ADORA2B: variants seen among roughly 807,000 people sequenced by gnomAD.
ADORA2B encodes adenosine receptor A2b.
In ADORA2B, 18 loss-of-function variants were observed where a neutral mutation model predicts 20.8. The ratio of observed to expected loss-of-function variants is 0.87; its 90% confidence interval spans 0.60 to 1.29. ADORA2B has a LOEUF of 1.29. Among genes scored for constraint, ADORA2B ranks in the 50% most tolerant of loss-of-function variants. The pLI, the probability that ADORA2B is intolerant of heterozygous loss-of-function variation, is 0.00. For missense variants in ADORA2B, 441 were observed against 422.7 expected, an observed-to-expected ratio of 1.04 and a Z score of -0.38; for synonymous variants, 179 against 178.3, an observed-to-expected ratio of 1.00 and a Z score of -0.03.
intron 1 of ADORA2B, among the ~76,000 whole-genome samples, chr17:15,951,548 G>A (rs992557544): frequency 1.3e-5 from 2 of 152,248 alleles, no homozygotes; most frequent in African/African-American, 4.8e-5. Flanking sequence ...TAATCCTGCT[G>A]GGGCCTCCAG....
At chr17:15,899,165 G>A in the ADORA2B span, among the ~76,000 whole-genome samples, 5 of 152,028 alleles carry the variant, frequency 3.3e-5, no homozygotes, top group Non-Finnish European at 7.4e-5. Flanking sequence ...GGGAGGCGGA[G>A]GTTGCAGTGT....
At chr17:15,900,095 G>T in the ADORA2B span, among the ~76,000 whole-genome samples, 2 of 152,136 alleles carry the variant, frequency 1.3e-5, no homozygotes, top group African/African-American at 4.8e-5. Flanking sequence ...CTCCCAAAGT[G>T]CTGGGACTAC....
chr17:15,915,405 C>T, the ADORA2B span, among the ~76,000 whole-genome samples: 1 of 152,236 alleles, frequency 6.6e-6, no homozygotes, highest in African/African-American at 2.4e-5. Context: ...TGTAAGCTAA[C>T]ACATTTACAG....
the ADORA2B span, among the ~76,000 whole-genome samples, chr17:15,863,634 G>A: frequency 1.6e-4 from 25 of 152,264 alleles, no homozygotes; most frequent in Admixed American, 1.2e-3. Flanking sequence ...GATTACAGGC[G>A]TGAGCCACTG....
At chr17:15,908,570 C>A in the ADORA2B span, 1 of 190,524 alleles carries the variant, frequency 5.2e-6, no homozygotes, top group East Asian at 1.4e-4. Context: ...GAACACAGAC[C>A]GGCCTGACTG....
At chr17:15,969,212 A>G (rs1970157400) in intron 1 of ADORA2B, among the ~76,000 whole-genome samples, 1 of 152,120 alleles carries the variant, frequency 6.6e-6, no homozygotes, top group South Asian at 2.1e-4. Context: ...GCACTGTGGG[A>G]GGCTGAGGTG....
intron 1 of ADORA2B, among the ~76,000 whole-genome samples, chr17:15,970,225 A>C (rs762197539): frequency 6.6e-6 from 1 of 152,134 alleles, no homozygotes; most frequent in Non-Finnish European, 1.5e-5. Context: ...CAAATGAAAA[A>C]CTCTTCGAAT....
the ADORA2B span, among the ~76,000 whole-genome samples, chr17:15,897,229 T>G: frequency 2.0e-5 from 3 of 152,246 alleles, no homozygotes; most frequent in African/African-American, 7.2e-5. Context: ...TCTAGACCCA[T>G]TATAATGAAA....
intron 1 of ADORA2B, among the ~76,000 whole-genome samples, chr17:15,967,040 G>A (rs1413001556): frequency 6.6e-6 from 1 of 152,212 alleles, no homozygotes; most frequent in East Asian, 1.9e-4. Context: ...CGGAGCACAG[G>A]GAGGGAGGCA....
chr17:15,974,527 TGTCTTTA>T, intron 1 of ADORA2B, 145 bp from the exon 2 acceptor site: 1 of 628,132 alleles, frequency 1.6e-6, no homozygotes, highest in Non-Finnish European at 2.8e-6. Context: ...CCTGCTTGCA[TGTCTTTA>T]GTATTGAGGG....
At chr17:15,853,096 G>A in the ADORA2B span, among the ~76,000 whole-genome samples, 8 of 151,542 alleles carry the variant, frequency 5.3e-5, no homozygotes, top group Non-Finnish European at 2.9e-5. Flanking sequence ...GAAAGAGAAA[G>A]CATCGTAAAA....
chr17:15,955,062 A>G (rs1305334258), intron 1 of ADORA2B, among the ~76,000 whole-genome samples: 1 of 152,076 alleles, frequency 6.6e-6, no homozygotes, highest in Non-Finnish European at 1.5e-5. Context: ...TTGAAGACTT[A>G]GGTCTGTCTT....
At chr17:15,934,810 TTATC>T in the ADORA2B span, among the ~76,000 whole-genome samples, 2 of 152,160 alleles carry the variant, frequency 1.3e-5, no homozygotes, top group Admixed American at 1.3e-4. Context: ...ATTTATTTAT[TTATC>T]TATCTATTTT....
chr17:15,883,588 A>G, the ADORA2B span, among the ~76,000 whole-genome samples: 27 of 152,224 alleles, frequency 1.8e-4, no homozygotes, highest in East Asian at 7.7e-4. Flanking sequence ...CATGGCTGAC[A>G]TGCACCACAA....
the ADORA2B span, among the ~76,000 whole-genome samples, chr17:15,903,065 G>A: frequency 6.6e-6 from 1 of 152,184 alleles, no homozygotes; most frequent in African/African-American, 2.4e-5. Flanking sequence ...TTCACAATGA[G>A]TAGTTATTAA....
At chr17:15,912,439 G>A in the ADORA2B span, among the ~76,000 whole-genome samples, 1 of 151,906 alleles carries the variant, frequency 6.6e-6, no homozygotes, top group African/African-American at 2.4e-5. Flanking sequence ...GTCCTGAAGT[G>A]TTCACTTTTT....
chr17:15,899,471 G>A, the ADORA2B span, among the ~76,000 whole-genome samples: 99 of 152,202 alleles, frequency 6.5e-4, no homozygotes, highest in Non-Finnish European at 1.2e-3. Context: ...TTGAGATTCC[G>A]GGAGTACATG....
chr17:15,972,672 A>G (rs1160429897), intron 1 of ADORA2B, among the ~76,000 whole-genome samples: 1 of 152,144 alleles, frequency 6.6e-6, no homozygotes, highest in Admixed American at 6.6e-5. Flanking sequence ...GTATCTCTCA[A>G]CTGGATACTG....
the ADORA2B span, among the ~76,000 whole-genome samples, chr17:15,873,304 T>C: frequency 6.6e-6 from 1 of 152,162 alleles, no homozygotes; most frequent in Non-Finnish European, 1.5e-5. Context: ...AGAAGACAAT[T>C]TGGAAAACTC....
Sources: allele counts gnomAD v4.1 joint callset (sites outside exome capture counted in the v4.1 genomes callset), GRCh38; gene constraint gnomAD v4.1.1; transcripts MANE v1.5; gene names NCBI Gene and HGNC (gene_info 2026-07-23, HGNC 2026-07-21).